Variants in ASTN2 observed in about 807,000 individuals in gnomAD.
ASTN2 encodes astrotactin 2.
ASTN2 carries 54 observed loss-of-function variants against 139.8 expected under a neutral mutation model. The observed-to-expected ratio is 0.39, with a 90% CI of 0.31 to 0.48. The LOEUF (loss-of-function observed/expected upper bound fraction) is 0.48. Among genes scored for constraint, ASTN2 ranks in the 20% least tolerant of loss-of-function variants. ASTN2 has a pLI of 0.95. For synonymous variants in ASTN2, 756 were observed against 719.5 expected (o/e 1.05, Z -0.81); for missense variants, 1,565 against 1,725.1 (o/e 0.91, Z 1.64).
At position 116,933,979 on chromosome 9, in the gene ASTN2, C is replaced by CTTTTTTTTTTTTTTTTTTTT. The variant is rs148724828; in HGVS notation, c.1889+41209_1889+41228dup. Among the ~76,000 whole-genome samples, 203 of 86,876 alleles carry CTTTTTTTTTTTTTTTTTTTT rather than the reference C, an allele frequency of 2.3e-3. 33 individuals are homozygous for CTTTTTTTTTTTTTTTTTTTT. The highest frequency in any genetic ancestry group is 4.8e-3 in the East Asian group (8 of 1,672). The allele number at this position is 86,876 out of a possible 152,430, so 57.0% of individuals were successfully genotyped here. ...ACCTCAGTTGTGCGAAGTGTTAGTCCTTTTTTTTTTTTTTTTTTTTTTTCT... is the reference window on the plus strand; with the variant it reads ...ACCTCAGTTGTGCGAAGTGTTAGTCCTTTTTTTTTTTTTTTTTTTTTTTTTTTTTTTTTTTTTTTTTTTCT... On this transcript the variant is annotated intron_variant, in intron 10 of 22. Transcript: ENST00000313400.
At chr9:116,677,433 G>A (rs1299436610) in intron 16 of ASTN2, among the ~76,000 whole-genome samples, 1 of 152,140 alleles carries the variant, frequency 6.6e-6, no homozygotes, top group East Asian at 1.9e-4. Context: ...GAGTTTGGGG[G>A]TATCAGAAAT....
chr9:117,203,239 C>G (rs1002362875), intron 3 of ASTN2, among the ~76,000 whole-genome samples: 3 of 151,984 alleles, frequency 2.0e-5, no homozygotes, highest in Admixed American at 6.6e-5. Context: ...ATTCCTCTAA[C>G]CTCTTCTCAA....
intron 3 of ASTN2, among the ~76,000 whole-genome samples, chr9:117,183,542 G>A (rs764481889): frequency 6.6e-5 from 10 of 152,186 alleles, no homozygotes; most frequent in Non-Finnish European, 1.0e-4. Flanking sequence ...CGAGGACAGT[G>A]AGAGGAAGGG....
chr9:116,776,196 CTA>C lies in ASTN2; in HGVS notation c.2396+29434_2396+29435del, dbSNP rs536906228. ...ATCTGCATTCTGTGGGGTTTGTATTCTATGTGATCTTTTATGTGTCTGCTTTC... is the reference window on the plus strand; with the variant it reads ...ATCTGCATTCTGTGGGGTTTGTATTCTGTGATCTTTTATGTGTCTGCTTTC... On this transcript the variant is annotated intron_variant, in intron 13 of 22. Coordinates refer to ENST00000313400, the MANE Select transcript of ASTN2 (RefSeq NM_001365068.1). Among the ~76,000 whole-genome samples, 104 of 152,244 alleles carry C rather than the reference CTA, an allele frequency of 6.8e-4. 3 individuals carry two copies. Among genetic ancestry groups the C allele is most frequent in the Admixed American group, 6.2e-3 (95 of 15,296 alleles).
chr9:117,292,160 G>A (rs995433511), intron 1 of ASTN2, among the ~76,000 whole-genome samples: 1 of 152,182 alleles, frequency 6.6e-6, no homozygotes, highest in Non-Finnish European at 1.5e-5. Context: ...TACTGGCAAA[G>A]CTACTGCCCC....
intron 2 of ASTN2, among the ~76,000 whole-genome samples, chr9:117,287,553 A>T (rs1834481794): frequency 6.6e-6 from 1 of 152,206 alleles, no homozygotes; most frequent in South Asian, 2.1e-4. Context: ...ATTTATTAAC[A>T]TTTCAGATTC....
intron 19 of ASTN2, among the ~76,000 whole-genome samples, chr9:116,525,156 G>C (rs769947469): frequency 6.6e-6 from 1 of 152,208 alleles, no homozygotes; most frequent in Non-Finnish European, 1.5e-5. Flanking sequence ...CTGGAGCAAA[G>C]GTCACTCTTG....
intron 20 of ASTN2, among the ~76,000 whole-genome samples, chr9:116,453,088 G>A (rs1049481949): frequency 1.3e-5 from 2 of 152,076 alleles, no homozygotes; most frequent in Non-Finnish European, 2.9e-5. Context: ...ACTCAGTTCT[G>A]AGCTGAGCTC....
At chr9:116,630,561 AC>A (rs1856695990) in intron 17 of ASTN2, among the ~76,000 whole-genome samples, 1 of 152,168 alleles carries the variant, frequency 6.6e-6, no homozygotes, top group African/African-American at 2.4e-5. Context: ...GGACCAGTTA[AC>A]CTTGTCTTGG....
At chr9:117,250,772 C>T (rs985576859) in intron 2 of ASTN2, among the ~76,000 whole-genome samples, 2 of 152,186 alleles carry the variant, frequency 1.3e-5, no homozygotes, top group African/African-American at 4.8e-5. Flanking sequence ...GACAGTGCTT[C>T]AAATGGGGAA....
chr9:117,256,742 A>G (rs1194245031), intron 2 of ASTN2, among the ~76,000 whole-genome samples: 1 of 152,188 alleles, frequency 6.6e-6, no homozygotes, highest in Non-Finnish European at 1.5e-5. Flanking sequence ...GACTACTACA[A>G]TTCCCCTACT....
chr9:117,025,993 G>A (rs1838064973), intron 6 of ASTN2, among the ~76,000 whole-genome samples: 2 of 151,944 alleles, frequency 1.3e-5, no homozygotes, highest in Admixed American at 1.3e-4. Flanking sequence ...TCGAACTCCT[G>A]ACCTCAAGTA....
intron 5 of ASTN2, among the ~76,000 whole-genome samples, chr9:117,069,556 G>T (rs1828051660): frequency 3.2e-5 from 1 of 31,370 alleles, no homozygotes; most frequent in Admixed American, 3.0e-4. Context: ...TCAATTCCTG[G>T]GTATCCTTGT....
chr9:117,308,397 CTG>C (rs1387020128), intron 1 of ASTN2, among the ~76,000 whole-genome samples: 1 of 152,174 alleles, frequency 6.6e-6, no homozygotes, highest in Non-Finnish European at 1.5e-5. Flanking sequence ...GAGAAAAAAA[CTG>C]AGATTCCCAG....
intron 16 of ASTN2, among the ~76,000 whole-genome samples, chr9:116,689,039 A>G (rs548027917): frequency 6.6e-6 from 1 of 152,090 alleles, no homozygotes. Flanking sequence ...ACTGGCCTCA[A>G]GTGGGTAGAT....
chr9:117,184,095 C>T (rs377089829), intron 3 of ASTN2, among the ~76,000 whole-genome samples: 2 of 152,110 alleles, frequency 1.3e-5, no homozygotes, highest in African/African-American at 4.8e-5. Flanking sequence ...GGTGTAGAGA[C>T]CTCACAATCC....
intron 10 of ASTN2, among the ~76,000 whole-genome samples, chr9:116,933,940 G>A (rs1385906449): frequency 6.9e-6 from 1 of 144,416 alleles, no homozygotes; most frequent in African/African-American, 2.6e-5. Context: ...TCTGAATATG[G>A]TGGGGCCCTG....
intron 19 of ASTN2, among the ~76,000 whole-genome samples, chr9:116,599,225 C>T (rs1048068667): frequency 9.2e-5 from 14 of 152,172 alleles, no homozygotes; most frequent in Admixed American, 3.3e-4. Flanking sequence ...TGCCAGAACT[C>T]ACTATTTTCC....
chr9:116,514,364 T>G (rs943302365), intron 19 of ASTN2, among the ~76,000 whole-genome samples: 14 of 151,526 alleles, frequency 9.2e-5, no homozygotes, highest in African/African-American at 3.2e-4. Context: ...CTCTGGAATT[T>G]TCGTCTCAGA....
Sources: allele counts gnomAD v4.1 joint callset (sites outside exome capture counted in the v4.1 genomes callset), GRCh38; gene constraint gnomAD v4.1.1; transcripts MANE v1.5; gene names NCBI Gene and HGNC (gene_info 2026-07-23, HGNC 2026-07-21).